Variants in PRPH2 observed in about 807,000 individuals in gnomAD.
PRPH2 encodes the protein peripherin 2.
A neutral mutation model predicts 31.3 loss-of-function variants in PRPH2; 17 were observed. The observed-to-expected ratio is 0.54, with a 90% CI of 0.37 to 0.81. The LOEUF (loss-of-function observed/expected upper bound fraction) is 0.81, where lower values mean the gene tolerates loss of function less well. Among genes scored for constraint, PRPH2 ranks in the 40% least tolerant of loss-of-function variants. The probability of loss-of-function intolerance (pLI) is 0.00; values close to 1 mark genes in which losing one functional copy is unlikely to be tolerated. For missense variants in PRPH2, 430 were observed against 439.7 expected (o/e 0.98, Z 0.20); for synonymous variants, 165 against 184.4 (o/e 0.89, Z 0.85).
At chr6:42,709,171 A>C (rs1053506590) in intron 1 of PRPH2, among the ~76,000 whole-genome samples, 1 of 151,984 alleles carries the variant, frequency 6.6e-6, no homozygotes, top group Non-Finnish European at 1.5e-5. Context: ...TCTACTAAAA[A>C]TACAAAAAAT....
chr6:42,712,112 A>G (rs999844881), intron 1 of PRPH2, among the ~76,000 whole-genome samples: 2 of 152,228 alleles, frequency 1.3e-5, no homozygotes, highest in African/African-American at 4.8e-5. Context: ...CAGAAGAACA[A>G]GTTAGACAAC....
At chr6:42,718,299 CAA>C (rs3076888) in intron 1 of PRPH2, among the ~76,000 whole-genome samples, 36 of 118,078 alleles carry the variant, frequency 3.0e-4, no homozygotes, top group Non-Finnish European at 2.7e-4. Flanking sequence ...GACCCTGTCT[CAA>C]AAAAAAAAAA....
intron 1 of PRPH2, among the ~76,000 whole-genome samples, chr6:42,712,715 C>G (rs1761690395): frequency 6.6e-6 from 1 of 151,560 alleles, no homozygotes; most frequent in African/African-American, 2.4e-5. Flanking sequence ...CTGTGCCCAG[C>G]CTGTTTTTTC....
At chr6:42,708,331 A>G (rs1351698587) in intron 1 of PRPH2, among the ~76,000 whole-genome samples, 1 of 152,208 alleles carries the variant, frequency 6.6e-6, no homozygotes, top group African/African-American at 2.4e-5. Context: ...CCACCACTCA[A>G]AGCCCCACTC....
chr6:42,711,918 G>C (rs777763668), intron 1 of PRPH2: 178 of 985,258 alleles, frequency 1.8e-4, no homozygotes, highest in Non-Finnish European at 2.0e-4. Flanking sequence ...CCAAGACACT[G>C]CAGCTCTGCT....
rs559295249 is a variant in PRPH2 at position 42,704,580 on chromosome 6, G to A, written c.613C>T (p.Leu205=). Residue 205 remains leucine (L), a synonymous_variant, in exon 2 of 3, where the codon CTG becomes TTG. Transcript: ENST00000230381. ...RIKSNVDGRY[L]VDGVPFSCCN... ...CAGCTGAAAGGGACGCCGTCCACCA[G>A]GTACCGCCCATCCACGTTGCTCTTG... is the stretch of plus-strand genomic sequence containing the variant. 20 of 1,614,070 alleles carry A rather than the reference G, an allele frequency of 1.2e-5. No individual in the cohort carries two copies. Among genetic ancestry groups the A allele is most frequent in the South Asian group, 6.6e-5 (6 of 91,086 alleles).
intron 1 of PRPH2, among the ~76,000 whole-genome samples, chr6:42,718,840 T>C (rs939541333): frequency 1.3e-5 from 2 of 152,168 alleles, no homozygotes; most frequent in East Asian, 1.9e-4. Flanking sequence ...TTTTGGGCTT[T>C]TTTTTTAAGA....
In PRPH2 at chr6:42,698,154, A is replaced by T; in HGVS notation, c.*141T>A. On this transcript the variant is annotated 3_prime_UTR_variant, in exon 3 of 3. Transcript: ENST00000230381. ...AATGCTTTTAGGGACCCTAAACTTA[A>T]ATTCCACCGTCAGGGAGAGTCTCTG... 8.4e-7 allele frequency: 1 copy of T among 1,196,534 alleles called. No individual in the cohort carries two copies. The highest frequency in any genetic ancestry group is 1.2e-6 in the Non-Finnish European group (1 of 853,366). The allele number at this position is 1,196,534 out of a possible 1,614,324, so 74.1% of individuals were successfully genotyped here.
Position 42,697,949 on chromosome 6 carries a change from A to C in PRPH2, c.*346T>G. 2 of 297,128 alleles carry C rather than the reference A, an allele frequency of 6.7e-6. No homozygotes were observed. 18.4% of individuals were successfully genotyped at this position (297,128 alleles called of 1,614,324 possible). A position where few individuals can be genotyped will look rare whatever the true frequency, so the allele number is the denominator to read the frequency against. ...AGGGGAGCAGCCCTCAGATACGGCCAGTGGCCATAGGGTGGGACTAAATCC... is the reference window on the plus strand; with the variant it reads ...AGGGGAGCAGCCCTCAGATACGGCCCGTGGCCATAGGGTGGGACTAAATCC... On this transcript the variant is annotated 3_prime_UTR_variant, in exon 3 of 3. Coordinates refer to ENST00000230381, the MANE Select transcript of PRPH2 (RefSeq NM_000322.5).
chr6:42,704,728 A>G, intron 1 of PRPH2, 117 bp from the exon 2 acceptor site: 3 of 1,492,578 alleles, frequency 2.0e-6, no homozygotes, highest in South Asian at 2.3e-5. Context: ...CACTTGGTAT[A>G]TATTTGCTGT....
rs955930526 is a variant in PRPH2, at chr6:42,698,327, C to T, written c.1009G>A (p.Ala337Thr). The T allele has an allele frequency of 4.3e-6, 7 of 1,613,856 alleles. 1 individual carries two copies. The Middle Eastern group carries it at 6.6e-4, about 152-fold the overall frequency. ...GCCTCTGGGGCCTGGCCTGCGTCTG[C>T]GCCCTCGGCTTCCACCTGGTTGCCC... is the stretch of plus-strand genomic sequence containing the variant. ...GKGNQVEAEG[A>T]DAGQAPEAG The change falls in exon 3 of 3, where the codon GCA becomes ACA. Residue 337 changes from alanine (A) to threonine (T), a missense_variant. Coordinates refer to ENST00000230381, the MANE Select transcript of PRPH2 (RefSeq NM_000322.5).
At chr6:42,698,593 A>C in intron 2 of PRPH2, 86 bp from the exon 3 acceptor site, 1 of 1,565,500 alleles carries the variant, frequency 6.4e-7, no homozygotes, top group Non-Finnish European at 8.7e-7. Context: ...CCTCAAATTG[A>C]GGGTCCCAGA....
chr6:42,700,657 C>T (rs1800028825), intron 2 of PRPH2, among the ~76,000 whole-genome samples: 1 of 152,176 alleles, frequency 6.6e-6, no homozygotes, highest in Non-Finnish European at 1.5e-5. Flanking sequence ...CACTCTGATC[C>T]CCTCCTGCTT....
intron 2 of PRPH2, among the ~76,000 whole-genome samples, chr6:42,701,634 G>A (rs891348373): frequency 6.2e-5 from 9 of 144,138 alleles, no homozygotes; most frequent in African/African-American, 1.8e-4. Context: ...TTGGCCATCC[G>A]AGTACCTGAG....
chr6:42,710,730 A>G (rs1800262945), intron 1 of PRPH2, among the ~76,000 whole-genome samples: 1 of 152,228 alleles, frequency 6.6e-6, no homozygotes, highest in Admixed American at 6.5e-5. Flanking sequence ...CAAGGCACAA[A>G]GAGCCTGGGA....
At chr6:42,715,287 G>A (rs1202658828) in intron 1 of PRPH2, among the ~76,000 whole-genome samples, 1 of 152,132 alleles carries the variant, frequency 6.6e-6, no homozygotes, top group South Asian at 2.1e-4. Flanking sequence ...CAGGATAAAT[G>A]TGGGTCATTT....
At chr6:42,707,250 T>C (rs1279811347) in intron 1 of PRPH2, among the ~76,000 whole-genome samples, 1 of 152,208 alleles carries the variant, frequency 6.6e-6, no homozygotes, top group Non-Finnish European at 1.5e-5. Context: ...TGTTTGTTAA[T>C]GAGCTGCATG....
Position 42,701,773 on chromosome 6 carries a change from G to A in PRPH2, c.828+2592C>T, listed in dbSNP as rs975949524. 4.2e-5 allele frequency among the ~76,000 whole-genome samples: 6 copies of A among 143,074 alleles called. No homozygotes were observed. The Admixed American group carries it at 4.5e-4, about 11-fold the overall frequency. 93.9% of individuals were successfully genotyped at this position (143,074 alleles called of 152,430 possible). A position where few individuals can be genotyped will look rare whatever the true frequency, so the allele number is the denominator to read the frequency against. On this transcript the variant is annotated intron_variant, in intron 2 of 2. Transcript: ENST00000230381. Reference sequence around the variant, plus strand: ...TTGAACTCCTGAGCTCAATGCTAGTGAACTTTTATGACTTCTTTTATATTC... The same window carrying A: ...TTGAACTCCTGAGCTCAATGCTAGTAAACTTTTATGACTTCTTTTATATTC...
chr6:42,710,631 G>C (rs985024380), intron 1 of PRPH2, among the ~76,000 whole-genome samples: 1 of 152,190 alleles, frequency 6.6e-6, no homozygotes, highest in Non-Finnish European at 1.5e-5. Context: ...CTGCGCGGAA[G>C]GGGCCGGGGG....
Sources: allele counts gnomAD v4.1 joint callset (sites outside exome capture counted in the v4.1 genomes callset), GRCh38; gene constraint gnomAD v4.1.1; transcripts MANE v1.5; gene names NCBI Gene and HGNC (gene_info 2026-07-23, HGNC 2026-07-21).